Variants in BSN observed in about 807,000 individuals in gnomAD.
BSN encodes the protein protein bassoon.
Under a neutral mutation model 264.8 loss-of-function variants are expected in BSN, and 57 were observed. The ratio of observed to expected loss-of-function variants is 0.22; its 90% CI spans 0.17 to 0.27. BSN has a LOEUF of 0.27. BSN is among the 10% of genes least tolerant of loss of function. The pLI, the probability that BSN is intolerant of heterozygous loss-of-function variation, is 1.00. For missense variants in BSN, 4,615 were observed against 5,232.5 expected, an observed-to-expected ratio of 0.88 and a Z score of 3.64; for synonymous variants, 2,059 against 2,137.3, an observed-to-expected ratio of 0.96 and a Z score of 1.01.
At chr3:49,561,017 C>T (rs1469083128) in intron 1 of BSN, among the ~76,000 whole-genome samples, 1 of 152,214 alleles carries the variant, frequency 6.6e-6, no homozygotes, top group Non-Finnish European at 1.5e-5. Context: ...TCCTATTATT[C>T]GTCTTTACGG....
chr3:49,565,271 G>A (rs1375557574), intron 1 of BSN, among the ~76,000 whole-genome samples: 2 of 145,752 alleles, frequency 1.4e-5, no homozygotes, highest in Admixed American at 6.9e-5. Context: ...TCAGCCTCCC[G>A]AGTAGCTGGG....
intron 2 of BSN, among the ~76,000 whole-genome samples, chr3:49,634,284 A>G (rs1251660916): frequency 6.6e-6 from 1 of 152,188 alleles, no homozygotes; most frequent in African/African-American, 2.4e-5. Flanking sequence ...CAAGATGGAA[A>G]GAATTACGAA....
intron 1 of BSN, among the ~76,000 whole-genome samples, chr3:49,591,836 A>G (rs898733150): frequency 3.3e-5 from 5 of 152,050 alleles, no homozygotes; most frequent in Admixed American, 2.0e-4. Flanking sequence ...CCATCCACCC[A>G]CCTTGGCCTC....
chr3:49,642,772 A>G lies in BSN; in HGVS notation c.1138A>G (p.Ser380Gly), dbSNP rs2052474720. Residue 380 changes from serine (S) to glycine (G), a missense_variant, in exon 3 of 12, where the codon AGC becomes GGC. Ser to Gly is a moderately conservative substitution (Grantham distance 56). Coordinates refer to ENST00000296452, the MANE Select transcript of BSN (RefSeq NM_003458.4). The surrounding 1 kb of genome is among the most constrained non-coding windows in gnomAD (Gnocchi z 7.0). The stretch of plus-strand genomic sequence containing the variant: ...TGACACCCAGGGCCAGCCTGCCCCC[A>G]GCAAGGGGACACCTAAGATCGTCTT... ...EADTQGQPAP[S>G]KGTPKIVFND... The G allele has an allele frequency of 6.2e-7, 1 of 1,613,352 alleles. No individual in the cohort carries two copies. Among genetic ancestry groups the G allele is most frequent in the Admixed American group, 1.7e-5 (1 of 60,014 alleles).
At chr3:49,578,710 G>C (rs2051867765) in intron 1 of BSN, among the ~76,000 whole-genome samples, 2 of 151,900 alleles carry the variant, frequency 1.3e-5, no homozygotes, top group African/African-American at 4.8e-5. Context: ...CTGGCCCAAA[G>C]CTACAATTTG....
downstream of BSN, among the ~76,000 whole-genome samples, chr3:49,673,087 C>CTTTTTTTTTTTT (rs71080543): frequency 0.041 from 1,747 of 43,072 alleles, 448 homozygotes; most frequent in Middle Eastern, 0.12. Flanking sequence ...CCGGCCGGGA[C>CTTTTTTTTTTTT]TTTTTTTTTT....
chr3:49,564,702 G>T (rs1372250042), intron 1 of BSN, among the ~76,000 whole-genome samples: 1 of 152,176 alleles, frequency 6.6e-6, no homozygotes, highest in Admixed American at 6.5e-5. Context: ...TAGGAAGGGT[G>T]TTCTCATGCT....
At chr3:49,567,470 C>T (rs2051761103) in intron 1 of BSN, among the ~76,000 whole-genome samples, 1 of 152,296 alleles carries the variant, frequency 6.6e-6, no homozygotes, top group Non-Finnish European at 1.5e-5. Flanking sequence ...TGATCTAGAC[C>T]GGGCTCCAGG....
intron 1 of BSN, among the ~76,000 whole-genome samples, chr3:49,610,605 AAC>A (rs1491576369): frequency 4.0e-5 from 6 of 151,688 alleles, no homozygotes; most frequent in Non-Finnish European, 8.8e-5. Flanking sequence ...AAAAAAAAAA[AAC>A]AAGTAGGCCT....
At chr3:49,609,236 G>A (rs11721148) in intron 1 of BSN, among the ~76,000 whole-genome samples, 124,157 of 151,390 alleles carry the variant, frequency 0.82, 51,368 homozygotes, top group East Asian at 0.99. Context: ...CAAGAAGCTG[G>A]GACCACAGGC....
Position 49,625,156 on chromosome 3 carries a change from C to G in BSN, c.406C>G (p.Gln136Glu). 6.3e-7 allele frequency: 1 copy of G among 1,582,592 alleles called. No individual in the cohort carries two copies. Among genetic ancestry groups the G allele is most frequent in the Non-Finnish European group, 8.6e-7 (1 of 1,163,182 alleles). The change falls in exon 2 of 12, where the codon CAG (glutamine) becomes GAG (glutamate). Residue 136 changes from glutamine (Q) to glutamate (E), a missense_variant. By Grantham distance (29) the Gln-to-Glu change is conservative. Transcript: ENST00000296452. The surrounding 1 kb of genome is among the most constrained non-coding windows in gnomAD (Gnocchi z 4.4). The part of the protein sequence containing the change: ...RRTLQVDSRT[Q>E]RSGRSPSVSP... Reference sequence around the variant, plus strand: ...GACGCTGCAGGTAGACAGCAGGACACAGAGATCAGGGCGGTCCCCCTCAGT... The same window carrying G: ...GACGCTGCAGGTAGACAGCAGGACAGAGAGATCAGGGCGGTCCCCCTCAGT...
intron 2 of BSN, among the ~76,000 whole-genome samples, chr3:49,629,345 C>T (rs1575442029): frequency 6.6e-6 from 1 of 152,224 alleles, no homozygotes; most frequent in East Asian, 1.9e-4. Flanking sequence ...GCCCGTGTTG[C>T]CCTTGTTAGG....
At chr3:49,608,327 A>G (rs1186982048) in intron 1 of BSN, among the ~76,000 whole-genome samples, 2 of 152,188 alleles carry the variant, frequency 1.3e-5, no homozygotes, top group Non-Finnish European at 2.9e-5. Flanking sequence ...TTTTTTTGCA[A>G]CTAGGCTGAC....
chr3:49,604,005 T>G (rs574453489), intron 1 of BSN, among the ~76,000 whole-genome samples: 55 of 152,338 alleles, frequency 3.6e-4, no homozygotes, highest in Non-Finnish European at 7.9e-4. Context: ...CATTGTAGTA[T>G]GCATGTATCA....
chr3:49,554,572 G>T lies in BSN; in HGVS notation c.-31G>T. ...GGAGCCGCCGGCCCGGGCGCAGCGC[G>T]ACCCCGACCCCGCCCGCCCGCCTGC... On this transcript the variant is annotated 5_prime_UTR_variant, in exon 1 of 12. Coordinates refer to ENST00000296452, the MANE Select transcript of BSN (RefSeq NM_003458.4). The T allele has an allele frequency of 3.4e-6, 3 of 894,752 alleles. No homozygotes were observed. In the South Asian group the frequency reaches 1.4e-4, roughly 43 times the overall value. 55.4% of individuals were successfully genotyped at this position (894,752 alleles called of 1,614,324 possible).
chr3:49,654,723 C>A lies in BSN; in HGVS notation c.5167C>A (p.His1723Asn), dbSNP rs758970210. The change falls in exon 5 of 12, where the codon CAT (histidine) becomes AAT (asparagine). Residue 1723 changes from histidine to asparagine, a missense_variant. Physicochemically the swap from His to Asn is moderately conservative, Grantham distance 68 (BLOSUM62 1). This residue lies in a region of BSN where 3,415 missense variants were observed against 3,866.4 expected (regional missense o/e 0.88). Transcript: ENST00000296452. This position sits in a 1 kb window ranked among gnomAD's most constrained non-coding sequence, Gnocchi z 4.1. The stretch of plus-strand genomic sequence containing the variant: ...GGTTATCAACCTCAATGCCCAGGAG[C>A]ATACCTTCCTTGCTACTGCCACCAC... ...PLVINLNAQE[H>N]TFLATATTVS... 2.5e-6 allele frequency: 4 copies of A among 1,613,716 alleles called. 1 individual carries two copies. In the South Asian group the frequency reaches 4.4e-5, roughly 18 times the overall value.
intron 6 of BSN, 60 bp downstream of exon 6, chr3:49,662,622 G>A: frequency 6.5e-7 from 1 of 1,536,968 alleles, no homozygotes. Context: ...CTGCCTACCT[G>A]TGGGGCCCTG....
rs940936852 is a variant in BSN at position 49,664,409 on chromosome 3, T to C, written c.11609-14T>C. On this transcript the variant is annotated splice_polypyrimidine_tract_variant and intron_variant, in intron 8 of 11. Transcript: ENST00000296452. ...GCCGTGCATAGCTCATTATGGCGAT[T>C]TCTTTCCTCCTAGGTGTGAAGGCTG... 2 of 1,613,608 alleles carry C rather than the reference T, an allele frequency of 1.2e-6. No homozygotes were observed. Among genetic ancestry groups the C allele is most frequent in the Non-Finnish European group, 1.7e-6 (2 of 1,179,988 alleles).
intron 1 of BSN, among the ~76,000 whole-genome samples, chr3:49,573,607 G>A (rs544331544): frequency 1.3e-5 from 2 of 151,540 alleles, no homozygotes; most frequent in Admixed American, 6.6e-5. Flanking sequence ...CAAAATAGTT[G>A]TTGCCCCCAT....
Sources: allele counts gnomAD v4.1 joint callset (sites outside exome capture counted in the v4.1 genomes callset), GRCh38; gene constraint gnomAD v4.1.1; regional missense constraint gnomAD v4.1.1; non-coding constraint Gnocchi (gnomAD v3.1); transcripts MANE v1.5; gene names NCBI Gene and HGNC (gene_info 2026-07-23, HGNC 2026-07-21).